G6PC1: variants seen among roughly 807,000 people sequenced by gnomAD.
The protein encoded by G6PC1 is glucose-6-phosphatase catalytic subunit 1, also known as G-6-Pase.
A neutral mutation model predicts 30.4 loss-of-function variants in G6PC1; 23 were observed. The ratio of observed to expected loss-of-function variants is 0.76; its 90% CI spans 0.55 to 1.07. G6PC1 has a LOEUF of 1.07. Ranked by LOEUF, G6PC1 falls within the 50% of genes least tolerant of loss-of-function variation. The pLI is 0.00. For synonymous variants in G6PC1, 163 were observed against 175.6 expected (o/e 0.93, Z 0.57); for missense variants, 391 against 433.9 (o/e 0.90, Z 0.88).
chr17:42,904,018 T>C lies in G6PC1; in HGVS notation c.318T>C (p.Pro106=), dbSNP rs1249827017. ...CCGTGCCCCTGATAAAGCAGTTCCC[T>C]GTAACCTGTGAGACTGGACCAGGTA... ...NTSVPLIKQF[P]VTCETGPGSP... The change falls in exon 2 of 5, where the codon CCT becomes CCC. Residue 106 remains proline (P), a synonymous_variant. Transcript: ENST00000253801. 1.2e-6 allele frequency: 2 copies of C among 1,613,686 alleles called. No homozygotes were observed. Among genetic ancestry groups the C allele is most frequent in the African/African-American group, 2.7e-5 (2 of 75,040 alleles).
At chr17:42,905,441 TATACAC>T (rs1316346009) in intron 2 of G6PC1, among the ~76,000 whole-genome samples, 33 of 103,286 alleles carry the variant, frequency 3.2e-4, no homozygotes, top group Non-Finnish European at 4.8e-4. Flanking sequence ...TATATATATA[TATACAC>T]ACACACACAC....
intron 3 of G6PC1, among the ~76,000 whole-genome samples, chr17:42,908,104 C>T (rs924354558): frequency 2.0e-5 from 3 of 152,194 alleles, no homozygotes; most frequent in Admixed American, 6.5e-5. Context: ...GATCATGTCT[C>T]GCTGCAACCT....
At chr17:42,905,189 C>T (rs1017834144) in intron 2 of G6PC1, among the ~76,000 whole-genome samples, 2 of 151,796 alleles carry the variant, frequency 1.3e-5, no homozygotes, top group Non-Finnish European at 2.9e-5. Context: ...CTTTGGGAGG[C>T]TGAGGCGGGT....
rs2056096708 is a variant in G6PC1, at chr17:42,911,507, G to T, written c.*81G>T. ...ACTACTATTTGAAGCAATGGGCACT[G>T]GTATTTGGAGCAAGTGACATGCCAT... On this transcript the variant is annotated 3_prime_UTR_variant, in exon 5 of 5. Coordinates refer to ENST00000253801, the MANE Select transcript of G6PC1 (RefSeq NM_000151.4). 1 of 1,590,180 alleles carries T rather than the reference G, an allele frequency of 6.3e-7. No homozygotes were observed. Among genetic ancestry groups the T allele is most frequent in the South Asian group, 1.1e-5 (1 of 90,098 alleles).
intron 1 of G6PC1, among the ~76,000 whole-genome samples, chr17:42,902,461 G>C (rs1220657951): frequency 6.6e-6 from 1 of 152,132 alleles, no homozygotes; most frequent in African/African-American, 2.4e-5. Flanking sequence ...ATGTTGACTA[G>C]GCTGGTCTCG....
At chr17:42,907,046 A>G (rs2056066299) in intron 2 of G6PC1, among the ~76,000 whole-genome samples, 1 of 152,168 alleles carries the variant, frequency 6.6e-6, no homozygotes, top group Non-Finnish European at 1.5e-5. Context: ...GTCTGGCCAG[A>G]GAAGATTGCA....
At chr17:42,910,585 A>G (rs1480189832) in intron 4 of G6PC1, among the ~76,000 whole-genome samples, 2 of 152,178 alleles carry the variant, frequency 1.3e-5, no homozygotes, top group Non-Finnish European at 2.9e-5. Flanking sequence ...TCAGCAATCA[A>G]TTCCGTTCAA....
At chr17:42,905,123 A>C (rs1261575424) in intron 2 of G6PC1, among the ~76,000 whole-genome samples, 1 of 150,280 alleles carries the variant, frequency 6.7e-6, no homozygotes, top group Non-Finnish European at 1.5e-5. Context: ...AAAAAAAAGT[A>C]AACTATTAAT....
Position 42,911,145 on chromosome 17 carries a change from C to G in G6PC1, c.793C>G (p.Leu265Val), listed in dbSNP as rs140224951. 134 of 1,614,006 alleles carry G rather than the reference C, an allele frequency of 8.3e-5. 1 individual carries two copies. The highest frequency in any genetic ancestry group is 7.6e-4 in the East Asian group (34 of 44,882). The change falls in exon 5 of 5, where the codon CTG becomes GTG. Residue 265 changes from leucine to valine, a missense_variant. Leu to Val is a conservative substitution (Grantham distance 32). Transcript: ENST00000253801. ...TTPFASLLKN[L>V]GTLFGLGLAL... is the part of the protein sequence containing the mutation. ...ACCCTTTGCCAGCCTCCTCAAGAAC[C>G]TGGGCACGCTCTTTGGCCTGGGGCT...
intron 1 of G6PC1, among the ~76,000 whole-genome samples, chr17:42,902,890 G>A (rs929308365): frequency 2.6e-5 from 4 of 151,990 alleles, no homozygotes; most frequent in Non-Finnish European, 4.4e-5. Context: ...CCCTGGGGGG[G>A]GCTCGTCCTA....
At chr17:42,909,154 A>G (rs2056080302) in intron 3 of G6PC1, 149 bp from the exon 4 acceptor site, 3 of 760,014 alleles carry the variant, frequency 3.9e-6, no homozygotes, top group Non-Finnish European at 4.8e-6. Flanking sequence ...CCCAACAGGC[A>G]TCTTTGGACT....
intron 2 of G6PC1, 106 bp downstream of exon 2, chr17:42,904,146 T>C (rs957441899): frequency 6.2e-6 from 5 of 805,290 alleles, no homozygotes; most frequent in Middle Eastern, 6.0e-4. Flanking sequence ...CTTTGTACTT[T>C]TGTCATGCTC....
intron 2 of G6PC1, among the ~76,000 whole-genome samples, chr17:42,906,812 C>A (rs907785112): frequency 6.6e-6 from 1 of 151,890 alleles, no homozygotes; most frequent in Non-Finnish European, 1.5e-5. Context: ...TCCAGGAGGT[C>A]GAGGCTGCAG....
intron 1 of G6PC1, among the ~76,000 whole-genome samples, chr17:42,902,889 G>C (rs1597987812): frequency 1.3e-5 from 2 of 152,002 alleles, no homozygotes; most frequent in South Asian, 4.2e-4. Context: ...TCCCTGGGGG[G>C]GGCTCGTCCT....
intron 2 of G6PC1, among the ~76,000 whole-genome samples, chr17:42,905,427 A>ATAT (rs1234141595): frequency 6.0e-5 from 8 of 132,662 alleles, no homozygotes; most frequent in South Asian, 4.7e-4. Context: ...AAAAAAAAAA[A>ATAT]AAATATATAT....
In G6PC1 at chr17:42,904,028, G is replaced by A. The variant is rs104894567; in HGVS notation, c.328G>A (p.Glu110Lys). Residue 110 changes from glutamate (E) to lysine (K), a missense_variant, in exon 2 of 5, where the codon GAG becomes AAG. Coordinates refer to ENST00000253801, the MANE Select transcript of G6PC1 (RefSeq NM_000151.4). ...GATAAAGCAGTTCCCTGTAACCTGT[G>A]AGACTGGACCAGGTAAGCGTCCCAG... ...PLIKQFPVTC[E>K]TGPGSPSGHA... The A allele has an allele frequency of 2.6e-5, 42 of 1,611,420 alleles. No homozygotes were observed. Among genetic ancestry groups the A allele is most frequent in the South Asian group, 1.1e-5 (1 of 91,032 alleles).
At position 42,913,732 on chromosome 17, in the gene G6PC1, CACA is replaced by C. The variant is rs1323769389; in HGVS notation, c.*2311_*2313del. On this transcript the variant is annotated 3_prime_UTR_variant, in exon 5 of 5. Coordinates refer to ENST00000253801, the MANE Select transcript of G6PC1 (RefSeq NM_000151.4). Reference sequence around the variant, plus strand: ...AATCAGGGCACACAAGTTGCAGTAACACAACAAGACTAGGCCAGCTCTGGAATC... The same window carrying C: ...AATCAGGGCACACAAGTTGCAGTAACACAAGACTAGGCCAGCTCTGGAATC... Among the ~76,000 whole-genome samples the C allele has an allele frequency of 2.0e-5, 3 of 152,172 alleles. No homozygotes were observed. The highest frequency in any genetic ancestry group is 4.4e-5 in the Non-Finnish European group (3 of 68,034).
chr17:42,909,868 G>GT (rs1018159270), intron 4 of G6PC1, among the ~76,000 whole-genome samples: 2,136 of 140,376 alleles, frequency 0.015, 44 homozygotes, highest in African/African-American at 0.045. Context: ...GTTTTTTTTT[G>GT]TTTTTTTTTT....
intron 3 of G6PC1, among the ~76,000 whole-genome samples, 160 bp from the exon 4 acceptor site, chr17:42,909,143 C>A (rs1173759304): frequency 6.6e-6 from 1 of 152,102 alleles, no homozygotes. Context: ...TGCACCCAGC[C>A]CCCAACAGGC....
Sources: gnomAD v4.1 joint callset for allele counts (sites outside exome capture counted in the v4.1 genomes callset) on GRCh38, gnomAD v4.1.1 for gene constraint, MANE v1.5 for transcripts, NCBI Gene and HGNC (gene_info 2026-07-23, HGNC 2026-07-21) for gene names.